The following CACNA1E variants were observed in gnomAD, a reference collection of about 807,000 sequenced individuals.
CACNA1E encodes the protein calcium voltage-gated channel subunit alpha1 E.
CACNA1E carries 40 observed loss-of-function variants against 259.2 expected under a neutral mutation model. The observed-to-expected ratio is 0.15, with a 90% CI of 0.12 to 0.20. The LOEUF is 0.20. Ranked by LOEUF, CACNA1E falls within the 10% of genes least tolerant of loss-of-function variation. The pLI, the probability that CACNA1E is intolerant of heterozygous loss-of-function variation, is 1.00. For missense variants in CACNA1E, 1,874 were observed against 3,040.1 expected (o/e 0.62, Z 9.02); for synonymous variants, 1,104 against 1,138.5 (o/e 0.97, Z 0.61).
At chr1:181,608,716 C>T (rs1032856259) in intron 6 of CACNA1E, among the ~76,000 whole-genome samples, 5 of 152,188 alleles carry the variant, frequency 3.3e-5, no homozygotes, top group Non-Finnish European at 7.3e-5. Flanking sequence ...TTGCTCGATG[C>T]CACCTTCTCC....
intron 43 of CACNA1E, among the ~76,000 whole-genome samples, chr1:181,786,703 A>G (rs1313265088): frequency 1.3e-5 from 2 of 152,226 alleles, no homozygotes; most frequent in Non-Finnish European, 2.9e-5. Context: ...AATGTAAATG[A>G]GCTTTTGTGA....
At chr1:181,763,294 A>G (rs1052626133) in intron 33 of CACNA1E, 112 bp from the exon 34 acceptor site, 2 of 913,844 alleles carry the variant, frequency 2.2e-6, no homozygotes, top group African/African-American at 3.3e-5. Context: ...TAACAAAGAC[A>G]GAGACTGTGT....
intron 11 of CACNA1E, 90 bp from the exon 12 acceptor site, chr1:181,717,965 G>A (rs981015536): frequency 1.5e-5 from 10 of 669,658 alleles, no homozygotes; most frequent in African/African-American, 1.4e-4. Flanking sequence ...GTGTGTTGTT[G>A]TGAGATCCTC....
At chr1:181,774,262 G>A (rs563897037) in intron 37 of CACNA1E, among the ~76,000 whole-genome samples, 1 of 152,348 alleles carries the variant, frequency 6.6e-6, no homozygotes. Flanking sequence ...ACCCCGAAAA[G>A]TATACAAAAG....
chr1:181,743,979 C>T (rs1656828782), intron 25 of CACNA1E, among the ~76,000 whole-genome samples: 2 of 152,258 alleles, frequency 1.3e-5, no homozygotes, highest in African/African-American at 4.8e-5. Context: ...TTCCCATTGC[C>T]ATTTGCTGTT....
intron 28 of CACNA1E, among the ~76,000 whole-genome samples, chr1:181,755,747 G>A (rs960549898): frequency 6.6e-6 from 1 of 152,130 alleles, no homozygotes; most frequent in Non-Finnish European, 1.5e-5. Context: ...GTAGTGAAAG[G>A]GTTAGGATTT....
chr1:181,540,644 A>G (rs1668510261), intron 3 of CACNA1E, among the ~76,000 whole-genome samples: 1 of 152,206 alleles, frequency 6.6e-6, no homozygotes, highest in South Asian at 2.1e-4. Context: ...CCTGGAGGAA[A>G]GGAGCATCGT....
chr1:181,739,467 A>G (rs906668444), intron 25 of CACNA1E, among the ~76,000 whole-genome samples: 2 of 152,156 alleles, frequency 1.3e-5, no homozygotes, highest in East Asian at 3.9e-4. Context: ...AAGCAGGAGT[A>G]GGGAGCGTCA....
chr1:181,596,048 T>C (rs979684101), intron 6 of CACNA1E, among the ~76,000 whole-genome samples: 4 of 152,190 alleles, frequency 2.6e-5, no homozygotes, highest in African/African-American at 9.7e-5. Context: ...AAACTGGATC[T>C]TGGGTGCTTT....
At chr1:181,557,218 G>A (rs17495655) in intron 3 of CACNA1E, among the ~76,000 whole-genome samples, 18,329 of 152,232 alleles carry the variant, frequency 0.12, 1,420 homozygotes, top group Non-Finnish European at 0.17. Context: ...TGGCTGTGCC[G>A]TACAAAGTAC....
chr1:181,597,859 C>T (rs910117255), intron 6 of CACNA1E, among the ~76,000 whole-genome samples: 2 of 152,206 alleles, frequency 1.3e-5, no homozygotes, highest in African/African-American at 2.4e-5. Context: ...TTGTGAGACT[C>T]ATTCACTGTC....
At chr1:181,751,698 A>G (rs1462754667) in intron 26 of CACNA1E, among the ~76,000 whole-genome samples, 2 of 152,180 alleles carry the variant, frequency 1.3e-5, no homozygotes, top group African/African-American at 4.8e-5. Flanking sequence ...AGAACCTATC[A>G]TTTGACAAGC....
At chr1:181,785,048 G>T (rs1660738264) in intron 41 of CACNA1E, among the ~76,000 whole-genome samples, 1 of 152,096 alleles carries the variant, frequency 6.6e-6, no homozygotes, top group African/African-American at 2.4e-5. Context: ...GATTTAGAAT[G>T]GTAGGCGTGA....
At chr1:181,395,322 G>A (rs1251657836) in intron 1 of CACNA1E, among the ~76,000 whole-genome samples, 2 of 152,198 alleles carry the variant, frequency 1.3e-5, no homozygotes, top group Non-Finnish European at 2.9e-5. Context: ...GAAGGAGATT[G>A]TGAAGCAGGC....
intron 7 of CACNA1E, among the ~76,000 whole-genome samples, chr1:181,659,960 A>T (rs1647467692): frequency 6.6e-6 from 1 of 152,314 alleles, no homozygotes; most frequent in East Asian, 1.9e-4. Context: ...GCCAGTGGTA[A>T]GCCTGGAATA....
chr1:181,532,569 T>C (rs1667866133), intron 3 of CACNA1E, among the ~76,000 whole-genome samples: 1 of 152,236 alleles, frequency 6.6e-6, no homozygotes. Context: ...TTGGAGCTTC[T>C]TCCAGAAAAG....
intron 3 of CACNA1E, among the ~76,000 whole-genome samples, chr1:181,514,507 G>A (rs574858062): frequency 3.9e-5 from 6 of 152,298 alleles, no homozygotes; most frequent in African/African-American, 1.2e-4. Context: ...GCCCTGTGCA[G>A]CCTCCTTACC....
chr1:181,549,785 G>A (rs536146044), intron 3 of CACNA1E, among the ~76,000 whole-genome samples: 2 of 152,216 alleles, frequency 1.3e-5, no homozygotes, highest in Non-Finnish European at 2.9e-5. Context: ...AGCAAGCACA[G>A]TGTCCGTGGA....
chr1:181,481,861 G>C (rs1254303057), upstream of CACNA1E, among the ~76,000 whole-genome samples: 1 of 152,078 alleles, frequency 6.6e-6, no homozygotes, highest in Non-Finnish European at 1.5e-5. Context: ...TAATGGGTTG[G>C]GTTTGAGAAA....
Sources: gnomAD v4.1 joint callset for allele counts (sites outside exome capture counted in the v4.1 genomes callset) on GRCh38, gnomAD v4.1.1 for gene constraint, MANE v1.5 for transcripts, NCBI Gene and HGNC (gene_info 2026-07-23, HGNC 2026-07-21) for gene names.